VLDLR: variants seen among roughly 807,000 people sequenced by gnomAD.
VLDLR encodes very low density lipoprotein receptor, also known as very low-density lipoprotein receptor.
Under a neutral mutation model 112.7 loss-of-function variants are expected in VLDLR, and 81 were observed. The ratio of observed to expected loss-of-function variants is 0.72; its 90% CI spans 0.60 to 0.86. The LOEUF (loss-of-function observed/expected upper bound fraction) is 0.86, where lower values mean the gene tolerates loss of function less well. VLDLR is among the 40% of genes least tolerant of loss of function. The pLI is 0.00. For missense variants in VLDLR, 1,237 were observed against 1,099.4 expected, an observed-to-expected ratio of 1.13 and a Z score of -1.77; for synonymous variants, 436 against 384.8, an observed-to-expected ratio of 1.13 and a Z score of -1.56.
chr9:2,641,409 T>C lies in VLDLR; in HGVS notation c.358T>C (p.Cys120Arg). The C allele has an allele frequency of 5.0e-6, 8 of 1,614,234 alleles. No homozygotes were observed. The highest frequency in any genetic ancestry group is 6.8e-6 in the Non-Finnish European group (8 of 1,180,044). The change falls in exon 4 of 19, where the codon TGT becomes CGT. Residue 120 changes from cysteine to arginine, a missense_variant. Physicochemically the swap from Cys to Arg is radical, Grantham distance 180 (BLOSUM62 -3). Coordinates refer to ENST00000382100, the MANE Select transcript of VLDLR (RefSeq NM_003383.5). The part of the protein sequence containing the change: ...MRTCRIHEIS[C>R]GAHSTQCIPV... ...AACATGCCGCATACATGAAATCAGC[T>C]GTGGCGCCCATTCTACTCAGTGTAT...
intron 2 of VLDLR, among the ~76,000 whole-genome samples, chr9:2,638,921 A>G (rs1416447747): frequency 6.6e-6 from 1 of 152,094 alleles, no homozygotes; most frequent in Non-Finnish European, 1.5e-5. Flanking sequence ...TCTCCCTTGA[A>G]TTCTAAGTAC....
chr9:2,627,053 G>C (rs1042818238), intron 1 of VLDLR, among the ~76,000 whole-genome samples: 1 of 114,202 alleles, frequency 8.8e-6, no homozygotes, highest in Non-Finnish European at 1.8e-5. Flanking sequence ...TGGGGACAGA[G>C]TGACCATAGC....
chr9:2,648,095 A>G (rs758549924), intron 12 of VLDLR, 113 bp from the exon 13 acceptor site: 343 of 1,476,206 alleles, frequency 2.3e-4, no homozygotes, highest in Non-Finnish European at 3.1e-4. Flanking sequence ...CCCCGTTAAG[A>G]AACCCTGCTG....
In VLDLR at chr9:2,622,234, G is replaced by C; in HGVS notation, c.45G>C (p.Leu15=). Residue 15 remains leucine (L), a synonymous_variant, in exon 1 of 19, where the codon CTG becomes CTC. Coordinates refer to ENST00000382100, the MANE Select transcript of VLDLR (RefSeq NM_003383.5). ...GGGCGCTCTGGCTGCTGCTCGCGCT[G>C]TGCTGGGCGCCCCGGGAGAGCGGCG... is the stretch of plus-strand genomic sequence containing the variant. The part of the protein sequence containing the change: ...ALWALWLLLA[L]CWAPRESGAT... 6.7e-7 allele frequency: 1 copy of C among 1,502,536 alleles called. No homozygotes were observed. Among genetic ancestry groups the C allele is most frequent in the East Asian group, 2.7e-5 (1 of 36,876 alleles). 93.1% of individuals were successfully genotyped at this position (1,502,536 alleles called of 1,614,324 possible). A position where few individuals can be genotyped will look rare whatever the true frequency, so the allele number is the denominator to read the frequency against.
At position 2,652,647 on chromosome 9, in the gene VLDLR, C is replaced by T. The variant is rs78532680; in HGVS notation, c.2417-133C>T. On this transcript the variant is annotated intron_variant, in intron 17 of 18. Transcript: ENST00000382100. ...TCCTGGCCCATGTGTATTCCAACTT[C>T]TAGTTATCCTAGCTCCATAAAACAT... 9 of 1,242,564 alleles carry T rather than the reference C, an allele frequency of 7.2e-6. No homozygotes were observed. The Admixed American group carries it at 1.6e-4, about 22-fold the overall frequency. 77.0% of individuals were successfully genotyped at this position (1,242,564 alleles called of 1,614,324 possible). A position where few individuals can be genotyped will look rare whatever the true frequency, so the allele number is the denominator to read the frequency against.
chr9:2,647,358 T>C, intron 11 of VLDLR, 116 bp from the exon 12 acceptor site: 5 of 798,412 alleles, frequency 6.3e-6, no homozygotes, highest in Non-Finnish European at 1.1e-5. Context: ...GTGTTACTAT[T>C]TGTCACTAGA....
intron 14 of VLDLR, among the ~76,000 whole-genome samples, chr9:2,649,915 C>T (rs1176054096): frequency 1.3e-5 from 2 of 152,134 alleles, no homozygotes; most frequent in Non-Finnish European, 2.9e-5. Context: ...ATATTATCTC[C>T]TGCTGAAAAC....
chr9:2,643,798 C>T (rs1586650875), intron 6 of VLDLR, 39 bp from the exon 7 acceptor site: 1 of 1,614,156 alleles, frequency 6.2e-7, no homozygotes, highest in Non-Finnish European at 8.5e-7. Flanking sequence ...TCTGACCAGA[C>T]CCACTCATGG....
At position 2,643,695 on chromosome 9, in the gene VLDLR, G is replaced by C. The variant is rs146285748; in HGVS notation, c.888G>C (p.Gln296His). 1 of 1,614,218 alleles carries C rather than the reference G, an allele frequency of 6.2e-7. No homozygotes were observed. Among genetic ancestry groups the C allele is most frequent in the African/African-American group, 1.3e-5 (1 of 75,048 alleles). Residue 296 changes from glutamine to histidine, a missense_variant, in exon 6 of 19, where the codon CAG (glutamine) becomes CAC (histidine). By Grantham distance (24) the Gln-to-His change is conservative. Coordinates refer to ENST00000382100, the MANE Select transcript of VLDLR (RefSeq NM_003383.5). Reference protein sequence around the residue: ...EDGSCIHGSRQCNGIRDCVDG... With the variant: ...EDGSCIHGSRHCNGIRDCVDG... ...GCAGCTGCATCCATGGCAGCAGGCA[G>C]TGTAATGGTATCCGAGACTGTGTCG...
chr9:2,652,539 G>C (rs1225775110), intron 17 of VLDLR, among the ~76,000 whole-genome samples: 1 of 152,164 alleles, frequency 6.6e-6, no homozygotes, highest in Non-Finnish European at 1.5e-5. Flanking sequence ...AGGTGGGACC[G>C]AGGACCCTGC....
chr9:2,636,838 A>C (rs1173779938), intron 2 of VLDLR, among the ~76,000 whole-genome samples: 1 of 152,190 alleles, frequency 6.6e-6, no homozygotes, highest in East Asian at 1.9e-4. Context: ...TGTAAGTTGC[A>C]ATTTTTTTTC....
At chr9:2,633,049 AGAGTGTGTGTGTGTGT>A (rs1190039646) in intron 1 of VLDLR, among the ~76,000 whole-genome samples, 6 of 107,000 alleles carry the variant, frequency 5.6e-5, no homozygotes, top group Admixed American at 3.7e-4. Context: ...AGAGAGAGAG[AGAGTGTGTGTGTGTGT>A]GTGTGTGTGT....
chr9:2,641,364 A>T lies in VLDLR; in HGVS notation c.326-13A>T. ...AGTTCTGAGGCTCTTTTGAGACTGT[A>T]TATCATCAACAGATATGAGAACATG... On this transcript the variant is annotated splice_polypyrimidine_tract_variant and intron_variant, in intron 3 of 18. Coordinates refer to ENST00000382100, the MANE Select transcript of VLDLR (RefSeq NM_003383.5). The T allele has an allele frequency of 6.2e-7, 1 of 1,614,076 alleles. No individual in the cohort carries two copies. Among genetic ancestry groups the T allele is most frequent in the Non-Finnish European group, 8.5e-7 (1 of 1,179,916 alleles).
intron 1 of VLDLR, among the ~76,000 whole-genome samples, chr9:2,623,749 C>T (rs1165536634): frequency 6.6e-6 from 1 of 152,114 alleles, no homozygotes; most frequent in East Asian, 1.9e-4. Flanking sequence ...TCCACAGGCT[C>T]TTACGGGCTG....
Position 2,643,743 on chromosome 9 carries a change from C to T in VLDLR, c.936C>T (p.Cys312=), listed in dbSNP as rs780689491. ...DCVDGSDEVN[C]KNVNQCLGPG... The stretch of plus-strand genomic sequence containing the variant: ...TCGATGGTTCCGATGAAGTCAACTG[C>T]AAAAATGGTAAGGGTTTCTTCTTGT... The change falls in exon 6 of 19, where the codon TGC becomes TGT. Residue 312 remains cysteine (C), a synonymous_variant. Coordinates refer to ENST00000382100, the MANE Select transcript of VLDLR (RefSeq NM_003383.5). 3.1e-6 allele frequency: 5 copies of T among 1,614,102 alleles called. No homozygotes were observed. The highest frequency in any genetic ancestry group is 1.7e-5 in the Admixed American group (1 of 60,010).
At chr9:2,622,937 G>C (rs895511089) in intron 1 of VLDLR, among the ~76,000 whole-genome samples, 1 of 152,196 alleles carries the variant, frequency 6.6e-6, no homozygotes, top group Non-Finnish European at 1.5e-5. Flanking sequence ...TGCTCTGGGC[G>C]CTTCTCCTCT....
chr9:2,647,670 G>C, intron 12 of VLDLR, 78 bp downstream of exon 12: 1 of 1,305,054 alleles, frequency 7.7e-7, no homozygotes, highest in Non-Finnish European at 1.1e-6. Context: ...GTGAATTCTG[G>C]ACTAGCAGAT....
intron 14 of VLDLR, among the ~76,000 whole-genome samples, chr9:2,649,215 A>G (rs1475329863): frequency 2.0e-5 from 3 of 152,130 alleles, no homozygotes; most frequent in African/African-American, 4.8e-5. Context: ...ATTGTCTCAA[A>G]ACTCTGGAGG....
At chr9:2,644,541 C>G (rs1817983320) in intron 7 of VLDLR, among the ~76,000 whole-genome samples, 193 bp from the exon 8 acceptor site, 1 of 151,802 alleles carries the variant, frequency 6.6e-6, no homozygotes, top group South Asian at 2.1e-4. Context: ...AATGCTTGAC[C>G]AGCTGGTAAC....
Sources: gnomAD v4.1 joint callset for allele counts (sites outside exome capture counted in the v4.1 genomes callset) on GRCh38, gnomAD v4.1.1 for gene constraint, MANE v1.5 for transcripts, NCBI Gene and HGNC (gene_info 2026-07-23, HGNC 2026-07-21) for gene names.